The following OR5A2 variants were observed in gnomAD, a reference collection of about 807,000 sequenced individuals.
OR5A2 encodes the protein olfactory receptor family 5 subfamily A member 2.
For synonymous variants in OR5A2, 155 were observed against 151.1 expected (o/e 1.03, Z -0.19); for missense variants, 406 against 398.9 (o/e 1.02, Z -0.15).
In OR5A2 at chr11:59,423,026, T is replaced by C. The variant is rs11602535; in HGVS notation, c.-73A>G. 0.27 allele frequency: 390,817 copies of C among 1,442,614 alleles called. 54,438 individuals are homozygous for C. Among genetic ancestry groups the C allele is most frequent in the Non-Finnish European group, 0.29 (309,684 of 1,059,382 alleles). The allele number at this position is 1,442,614 out of a possible 1,614,324, so 89.4% of individuals were successfully genotyped here. On this transcript the variant is annotated 5_prime_UTR_variant, in exon 2 of 2. Transcript: ENST00000302040. ...GTGGTCAGCTAGATTTTGTTTGTTA[T>C]TGTAAGAGTGGGTATTTCCTAGAAG... is the stretch of plus-strand genomic sequence containing the variant.
Position 59,422,618 on chromosome 11 carries a change from T to C in OR5A2, c.336A>G (p.Glu112=), listed in dbSNP as rs1858242125. The change falls in exon 2 of 2, where the codon GAA becomes GAG. Residue 112 remains glutamate (E), a synonymous_variant. Transcript: ENST00000302040. The part of the protein sequence containing the change: ...YFVFCGMGLT[E]CFLLAAMAYD... ...AGGCCATAGCTGCCAGGAGAAAGCA[T>C]TCAGTCAGCCCCATCCCACAGAAGA... 1.2e-6 allele frequency: 2 copies of C among 1,614,136 alleles called. No individual in the cohort carries two copies. The highest frequency in any genetic ancestry group is 4.5e-5 in the East Asian group (2 of 44,872).
chr11:59,422,206 T>C lies in OR5A2; in HGVS notation c.748A>G (p.Thr250Ala). ...STCASHLTAV[T>A]LFYGSGFFMY... ...AAGAATCCAGAACCATAGAAGAGGG[T>C]CACAGCAGTCAGGTGAGAGGCACAA... is the stretch of plus-strand genomic sequence containing the variant. The change falls in exon 2 of 2, where the codon ACC becomes GCC. Residue 250 changes from threonine to alanine, a missense_variant. Coordinates refer to ENST00000302040, the MANE Select transcript of OR5A2 (RefSeq NM_001001954.2). The C allele has an allele frequency of 1.2e-6, 2 of 1,613,992 alleles. No individual in the cohort carries two copies. Among genetic ancestry groups the C allele is most frequent in the African/African-American group, 1.3e-5 (1 of 74,980 alleles).
At position 59,420,849 on chromosome 11, in the gene OR5A2, T is replaced by C. The variant is rs1361886912; in HGVS notation, c.*1130A>G. ...TCCCAAATGAGCGTATGCTTCTCTT[T>C]AGATTCCTAAGAAACTTTAATTGTC... On this transcript the variant is annotated 3_prime_UTR_variant, in exon 2 of 2. Coordinates refer to ENST00000302040, the MANE Select transcript of OR5A2 (RefSeq NM_001001954.2). 6.6e-6 allele frequency: 1 copy of C among 152,184 alleles called. No homozygotes were observed. The highest frequency in any genetic ancestry group is 1.5e-5 in the Non-Finnish European group (1 of 68,040). 9.4% of individuals were successfully genotyped at this position (152,184 alleles called of 1,614,324 possible).
Position 59,422,560 on chromosome 11 carries a change from G to C in OR5A2, c.394C>G (p.Leu132Val). ...DRYAAICNPLLYTVLISHTLC... is the reference protein window; with the variant it reads ...DRYAAICNPLVYTVLISHTLC... ...GTATGGGATATGAGGACTGTGTAAA[G>C]CAAGGGGTTGCAGATTGCAGCATAC... Residue 132 changes from leucine to valine, a missense_variant, in exon 2 of 2, where the codon CTT becomes GTT. Transcript: ENST00000302040. The C allele has an allele frequency of 6.2e-7, 1 of 1,614,170 alleles. No homozygotes were observed. The highest frequency in any genetic ancestry group is 2.2e-5 in the East Asian group (1 of 44,868).
Position 59,419,908 on chromosome 11 carries a change from G to T in OR5A2, c.*2071C>A, listed in dbSNP as rs1412641099. 2 of 152,068 alleles carry T rather than the reference G, an allele frequency of 1.3e-5. No individual in the cohort carries two copies. The highest frequency in any genetic ancestry group is 1.3e-4 in the Admixed American group (2 of 15,264). 9.4% of individuals were successfully genotyped at this position (152,068 alleles called of 1,614,324 possible). A position where few individuals can be genotyped will look rare whatever the true frequency, so the allele number is the denominator to read the frequency against. The stretch of plus-strand genomic sequence containing the variant: ...CTCCTAGATCAGGGAAGGAAGGAAG[G>T]AAAACAAAGTGGAGAGGGGATTCTC... On this transcript the variant is annotated 3_prime_UTR_variant, in exon 2 of 2. Transcript: ENST00000302040.
In OR5A2 at chr11:59,422,251, T is replaced by C. The variant is rs1371298983; in HGVS notation, c.703A>G (p.Arg235Gly). Residue 235 changes from arginine (R) to glycine (G), a missense_variant, in exon 2 of 2, where the codon AGG (arginine) becomes GGG (glycine). By Grantham distance (125) the Arg-to-Gly change is moderately radical. Coordinates refer to ENST00000302040, the MANE Select transcript of OR5A2 (RefSeq NM_001001954.2). ...AVVKISSATG[R>G]TKAFSTCASH... ...GCACAAGTGCTGAAGGCCTTTGTCC[T>C]ACCTGTAGCTGAGCTGATCTTCACA... is the stretch of plus-strand genomic sequence containing the variant. 2 of 1,614,072 alleles carry C rather than the reference T, an allele frequency of 1.2e-6. No individual in the cohort carries two copies. Among genetic ancestry groups the C allele is most frequent in the Non-Finnish European group, 1.7e-6 (2 of 1,180,030 alleles).
chr11:59,422,129 C>T lies in OR5A2; in HGVS notation c.825G>A (p.Val275=). 6.2e-7 allele frequency: 1 copy of T among 1,614,064 alleles called. No homozygotes were observed. The highest frequency in any genetic ancestry group is 1.1e-5 in the South Asian group (1 of 91,060). ...GGATCACCAAGGCATAGAATATGGA[C>T]ACCACCTTGTCCCTGTTTAGGGAGT... ...SSYSLNRDKV[V]SIFYALVIPV... is the part of the protein sequence containing the mutation. The change falls in exon 2 of 2, where the codon GTG becomes GTA. Residue 275 remains valine (V), a synonymous_variant. Transcript: ENST00000302040.
chr11:59,424,761 G>C (rs949217268), intron 1 of OR5A2: 1 of 152,192 alleles, frequency 6.6e-6, no homozygotes, highest in African/African-American at 2.4e-5. Context: ...CTGTGGTTCT[G>C]TGTCACTTAT....
rs923855764 is a variant in OR5A2 at position 59,418,472 on chromosome 11, G to A, written c.*3507C>T. ...CCTAGATGATGGTAATTTTACTAAA[G>A]TGAATTCTATCTCCAGCTAGCTAGC... is the stretch of plus-strand genomic sequence containing the variant. On this transcript the variant is annotated 3_prime_UTR_variant, in exon 2 of 2. Transcript: ENST00000302040. 6.6e-6 allele frequency: 1 copy of A among 152,164 alleles called. No individual in the cohort carries two copies. The highest frequency in any genetic ancestry group is 1.9e-4 in the East Asian group (1 of 5,166). The allele number at this position is 152,164 out of a possible 1,614,324, so 9.4% of individuals were successfully genotyped here.
chr11:59,420,008 G>T lies in OR5A2; in HGVS notation c.*1971C>A, dbSNP rs1858203478. ...GTATGTCAAGGAAATATATTTTTGT[G>T]TAAAACATTTTGATTTTCTTCCTTG... On this transcript the variant is annotated 3_prime_UTR_variant, in exon 2 of 2. Transcript: ENST00000302040. 6.6e-6 allele frequency: 1 copy of T among 152,134 alleles called. No homozygotes were observed. The allele number at this position is 152,134 out of a possible 1,614,324, so 9.4% of individuals were successfully genotyped here.
chr11:59,419,380 C>G lies in OR5A2; in HGVS notation c.*2599G>C, dbSNP rs1222002629. The G allele has an allele frequency of 6.6e-6, 1 of 152,120 alleles. No individual in the cohort carries two copies. Among genetic ancestry groups the G allele is most frequent in the Non-Finnish European group, 1.5e-5 (1 of 68,030 alleles). The allele number at this position is 152,120 out of a possible 1,614,324, so 9.4% of individuals were successfully genotyped here. A position where few individuals can be genotyped will look rare whatever the true frequency, so the allele number is the denominator to read the frequency against. On this transcript the variant is annotated 3_prime_UTR_variant, in exon 2 of 2. Transcript: ENST00000302040. ...CATATGCCAGGCACTGGGCTAAGCC[C>G]TCTTTATGCATATTCTCACTTAATT...
In OR5A2 at chr11:59,420,453, C is replaced by T. The variant is rs1221236059; in HGVS notation, c.*1526G>A. 1 of 152,078 alleles carries T rather than the reference C, an allele frequency of 6.6e-6. No individual in the cohort carries two copies. Among genetic ancestry groups the T allele is most frequent in the African/African-American group, 2.4e-5 (1 of 41,448 alleles). The allele number at this position is 152,078 out of a possible 1,614,324, so 9.4% of individuals were successfully genotyped here. ...TATATAATAATAATAATAGTAATAG[C>T]ACCTCTGGGACATTTTCTATTCACA... is the stretch of plus-strand genomic sequence containing the variant. On this transcript the variant is annotated 3_prime_UTR_variant, in exon 2 of 2. Coordinates refer to ENST00000302040, the MANE Select transcript of OR5A2 (RefSeq NM_001001954.2).
intron 1 of OR5A2, chr11:59,424,598 A>G (rs1228035694): frequency 1.3e-5 from 2 of 152,206 alleles, no homozygotes; most frequent in Non-Finnish European, 2.9e-5. Flanking sequence ...TGTCTCAAAA[A>G]AAAAAGGAAA....
Position 59,419,628 on chromosome 11 carries a change from G to A in OR5A2, c.*2351C>T, listed in dbSNP as rs762120603. The A allele has an allele frequency of 6.6e-5, 10 of 152,108 alleles. No homozygotes were observed. The highest frequency in any genetic ancestry group is 2.1e-4 in the South Asian group (1 of 4,826). 9.4% of individuals were successfully genotyped at this position (152,108 alleles called of 1,614,324 possible). Reference sequence around the variant, plus strand: ...TACATTTAAGAAATACATTGGTTTCGTTCAGAAAGGCGGGACAACTCAAAT... The same window carrying A: ...TACATTTAAGAAATACATTGGTTTCATTCAGAAAGGCGGGACAACTCAAAT... On this transcript the variant is annotated 3_prime_UTR_variant, in exon 2 of 2. Coordinates refer to ENST00000302040, the MANE Select transcript of OR5A2 (RefSeq NM_001001954.2).
Position 59,421,685 on chromosome 11 carries a change from TCGATGAC to T in OR5A2, c.*287_*293del. On this transcript the variant is annotated 3_prime_UTR_variant, in exon 2 of 2. Coordinates refer to ENST00000302040, the MANE Select transcript of OR5A2 (RefSeq NM_001001954.2). ...CACTAAATGCTGGACTAACATTTTT[TCGATGAC>T]TTTCCTCCTATACATACAAACTCTG... 1.0e-5 allele frequency: 3 copies of T among 290,520 alleles called. No homozygotes were observed. The highest frequency in any genetic ancestry group is 1.9e-5 in the Non-Finnish European group (3 of 155,142). The allele number at this position is 290,520 out of a possible 1,614,324, so 18.0% of individuals were successfully genotyped here. A position where few individuals can be genotyped will look rare whatever the true frequency, so the allele number is the denominator to read the frequency against.
chr11:59,422,097 A>G lies in OR5A2; in HGVS notation c.857T>C (p.Val286Ala), dbSNP rs1434147810. 5 of 1,613,980 alleles carry G rather than the reference A, an allele frequency of 3.1e-6. No homozygotes were observed. Among genetic ancestry groups the G allele is most frequent in the Non-Finnish European group, 4.2e-6 (5 of 1,180,000 alleles). The change falls in exon 2 of 2, where the codon GTG (valine) becomes GCG (alanine). Residue 286 changes from valine (V) to alanine (A), a missense_variant. By Grantham distance (64) the Val-to-Ala change is moderately conservative. Transcript: ENST00000302040. ...CCTAAAACTGTAGATGATGGGATTC[A>G]CCACGGGGATCACCAAGGCATAGAA... ...SIFYALVIPV[V>A]NPIIYSFRNK...
Position 59,419,667 on chromosome 11 carries a change from G to A in OR5A2, c.*2312C>T, listed in dbSNP as rs879282082. The A allele has an allele frequency of 5.9e-5, 9 of 152,132 alleles. No individual in the cohort carries two copies. Among genetic ancestry groups the A allele is most frequent in the Non-Finnish European group, 1.3e-4 (9 of 68,030 alleles). The allele number at this position is 152,132 out of a possible 1,614,324, so 9.4% of individuals were successfully genotyped here. ...GACAACTCAAATTGGAGACTTCCAGGCTATGGGTAAATTTAAACATTTTCT... is the reference window on the plus strand; with the variant it reads ...GACAACTCAAATTGGAGACTTCCAGACTATGGGTAAATTTAAACATTTTCT... On this transcript the variant is annotated 3_prime_UTR_variant, in exon 2 of 2. Coordinates refer to ENST00000302040, the MANE Select transcript of OR5A2 (RefSeq NM_001001954.2).
In OR5A2 at chr11:59,422,175, T is replaced by A; in HGVS notation, c.779A>T (p.Tyr260Phe). The A allele has an allele frequency of 6.2e-7, 1 of 1,614,112 alleles. No individual in the cohort carries two copies. Among genetic ancestry groups the A allele is most frequent in the Non-Finnish European group, 8.5e-7 (1 of 1,179,998 alleles). The change falls in exon 2 of 2, where the codon TAC (tyrosine) becomes TTC (phenylalanine). Residue 260 changes from tyrosine (Y) to phenylalanine (F), a missense_variant. By Grantham distance (22) the Tyr-to-Phe change is conservative. Coordinates refer to ENST00000302040, the MANE Select transcript of OR5A2 (RefSeq NM_001001954.2). ...GGAGTAGCTGGAACTGGGTCGCATG[T>A]ACATGAAGAATCCAGAACCATAGAA... Reference protein sequence around the residue: ...TLFYGSGFFMYMRPSSSYSLN... With the variant: ...TLFYGSGFFMFMRPSSSYSLN...
chr11:59,422,658 G>T lies in OR5A2; in HGVS notation c.296C>A (p.Ala99Asp). ...CCCACAGAAGACAAAGTACTGAGTG[G>T]CACAGCCAACAAAGGAAATGGTTTT... ...EQKTISFVGC[A>D]TQYFVFCGMG... The change falls in exon 2 of 2, where the codon GCC (alanine) becomes GAC (aspartate). Residue 99 changes from alanine to aspartate, a missense_variant. By Grantham distance (126) the Ala-to-Asp change is moderately radical. Transcript: ENST00000302040. The T allele has an allele frequency of 6.2e-7, 1 of 1,614,192 alleles. No homozygotes were observed. The highest frequency in any genetic ancestry group is 8.5e-7 in the Non-Finnish European group (1 of 1,180,030).
Sources: allele counts gnomAD v4.1 joint callset, GRCh38; gene constraint gnomAD v4.1.1; transcripts MANE v1.5; gene names NCBI Gene and HGNC (gene_info 2026-07-23, HGNC 2026-07-21).